The following RALGAPA1 variants were observed in gnomAD, a reference collection of about 807,000 sequenced individuals.
RALGAPA1 encodes the protein Ral GTPase activating protein catalytic subunit alpha 1, also known as ral GTPase-activating protein subunit alpha-1.
In RALGAPA1, 52 loss-of-function variants were observed where a neutral mutation model predicts 269.6. The ratio of observed to expected loss-of-function variants is 0.19; its 90% confidence interval spans 0.15 to 0.24. RALGAPA1 has a LOEUF of 0.24. RALGAPA1 is among the 10% of genes least tolerant of loss of function. RALGAPA1 has a pLI of 1.00. For synonymous variants in RALGAPA1, 817 were observed against 1,008.3 expected, an observed-to-expected ratio of 0.81 and a Z score of 3.60; for missense variants, 1,917 against 3,013.9, an observed-to-expected ratio of 0.64 and a Z score of 8.52.
At position 35,689,495 on chromosome 14, in the gene RALGAPA1, T is replaced by C; in HGVS notation, c.2916A>G (p.Val972=). Residue 972 remains valine (V), a synonymous_variant, in exon 18 of 42, where the codon GTA becomes GTG. Coordinates refer to ENST00000680220, the MANE Select transcript of RALGAPA1 (RefSeq NM_001346249.2). ...DPASQEVTIA[V]NRGERLSLDK... ...CTAAGGATAATCTTTCACCCCTATT[T>C]ACTGCAATAGTCACTTCCTGAGAAG... 1.6e-6 allele frequency: 2 copies of C among 1,236,854 alleles called. No individual in the cohort carries two copies. Among genetic ancestry groups the C allele is most frequent in the Non-Finnish European group, 2.0e-6 (2 of 991,306 alleles). The allele number at this position is 1,236,854 out of a possible 1,614,324, so 76.6% of individuals were successfully genotyped here. A position where few individuals can be genotyped will look rare whatever the true frequency, so the allele number is the denominator to read the frequency against.
At chr14:35,697,211 C>T (rs1319855873) in intron 17 of RALGAPA1, among the ~76,000 whole-genome samples, 2 of 152,178 alleles carry the variant, frequency 1.3e-5, no homozygotes, top group African/African-American at 4.8e-5. Flanking sequence ...GAAGATTAAT[C>T]CTGCTTAATT....
At chr14:35,715,251 C>A (rs1285358097) in intron 16 of RALGAPA1, among the ~76,000 whole-genome samples, 1 of 152,200 alleles carries the variant, frequency 6.6e-6, no homozygotes, top group Non-Finnish European at 1.5e-5. Context: ...CATTTCCCGT[C>A]TCAATGTCCT....
At chr14:35,544,329 G>GT (rs745340353) in intron 41 of RALGAPA1, among the ~76,000 whole-genome samples, 18 of 152,186 alleles carry the variant, frequency 1.2e-4, no homozygotes, top group Non-Finnish European at 8.8e-5. Context: ...ACAGCAGGAA[G>GT]GGGATGAAAA....
rs144541438 is a variant in RALGAPA1 at position 35,684,083 on chromosome 14, C to T, written c.4295-98G>A. The T allele has an allele frequency of 8.3e-4, 705 of 853,698 alleles. 3 individuals carry two copies. Among genetic ancestry groups the T allele is most frequent in the Middle Eastern group, 1.6e-3 (7 of 4,340 alleles). The allele number at this position is 853,698 out of a possible 1,614,324, so 52.9% of individuals were successfully genotyped here. A position where few individuals can be genotyped will look rare whatever the true frequency, so the allele number is the denominator to read the frequency against. ...AAAATGATCAAACATAAACATTCCCCGTACATCTATTCTGTTTACATATCA... is the reference window on the plus strand; with the variant it reads ...AAAATGATCAAACATAAACATTCCCTGTACATCTATTCTGTTTACATATCA... On this transcript the variant is annotated intron_variant, in intron 20 of 41. Coordinates refer to ENST00000680220, the MANE Select transcript of RALGAPA1 (RefSeq NM_001346249.2).
chr14:35,626,800 A>T (rs923777451), intron 34 of RALGAPA1, among the ~76,000 whole-genome samples: 15 of 142,616 alleles, frequency 1.1e-4, no homozygotes, highest in African/African-American at 4.1e-4. Context: ...TGCAGTTTCT[A>T]AAAAAAAAAT....
chr14:35,732,534 G>C (rs866527912), intron 12 of RALGAPA1, among the ~76,000 whole-genome samples: 1 of 151,976 alleles, frequency 6.6e-6, no homozygotes, highest in Non-Finnish European at 1.5e-5. Context: ...AGAAGGACTC[G>C]CATAAGTAAA....
intron 14 of RALGAPA1, among the ~76,000 whole-genome samples, chr14:35,724,409 T>C (rs540638931): frequency 2.6e-4 from 39 of 152,274 alleles, no homozygotes; most frequent in Admixed American, 9.8e-4. Flanking sequence ...ATTTCATGTA[T>C]CATCTTAAAA....
At chr14:35,578,964 C>T (rs372641554) in intron 37 of RALGAPA1, among the ~76,000 whole-genome samples, 1 of 152,046 alleles carries the variant, frequency 6.6e-6, no homozygotes, top group Non-Finnish European at 1.5e-5. Context: ...CAAAAATAAA[C>T]AAGGTAAACT....
chr14:35,764,695 C>T (rs1204604977), intron 4 of RALGAPA1, among the ~76,000 whole-genome samples: 1 of 151,930 alleles, frequency 6.6e-6, no homozygotes, highest in Non-Finnish European at 1.5e-5. Flanking sequence ...AAGGCACATG[C>T]CACCATGCCT....
rs2066236751 is a variant in RALGAPA1, at chr14:35,689,046, A to C, written c.3365T>G (p.Leu1122Arg). 1 of 1,236,210 alleles carries C rather than the reference A, an allele frequency of 8.1e-7. No individual in the cohort carries two copies. Among genetic ancestry groups the C allele is most frequent in the Admixed American group, 4.1e-5 (1 of 24,576 alleles). The allele number at this position is 1,236,210 out of a possible 1,614,324, so 76.6% of individuals were successfully genotyped here. Reference sequence around the variant, plus strand: ...AGACAAGCTCCTTTTAGTTGGAGAAAGTTTGCTAGTACTTGTAACATGAGG... The same window carrying C: ...AGACAAGCTCCTTTTAGTTGGAGAACGTTTGCTAGTACTTGTAACATGAGG... ...RMPHVTSTSK[L>R]SPTKRSLSET... The change falls in exon 18 of 42, where the codon CTT (leucine) becomes CGT (arginine). Residue 1122 changes from leucine (L) to arginine (R), a missense_variant. Leu to Arg is a moderately radical substitution (Grantham distance 102). Transcript: ENST00000680220.
At chr14:35,591,227 CTTAT>C (rs1255590805) in intron 37 of RALGAPA1, among the ~76,000 whole-genome samples, 1 of 152,058 alleles carries the variant, frequency 6.6e-6, no homozygotes, top group Non-Finnish European at 1.5e-5. Flanking sequence ...TTAAGTAACA[CTTAT>C]TTGTTACATT....
intron 37 of RALGAPA1, among the ~76,000 whole-genome samples, chr14:35,574,897 C>T (rs867956296): frequency 1.4e-4 from 22 of 151,974 alleles, no homozygotes; most frequent in Admixed American, 2.0e-4. Context: ...GAGGCTAAGG[C>T]GGGCGAATCA....
intron 21 of RALGAPA1, among the ~76,000 whole-genome samples, chr14:35,678,616 CT>C (rs2065160028): frequency 6.6e-6 from 1 of 152,122 alleles, no homozygotes; most frequent in South Asian, 2.1e-4. Context: ...CTGTCACTTC[CT>C]CATTTAAAAT....
At chr14:35,660,634 A>G (rs758139729) in intron 27 of RALGAPA1, among the ~76,000 whole-genome samples, 1 of 152,146 alleles carries the variant, frequency 6.6e-6, no homozygotes, top group Non-Finnish European at 1.5e-5. Context: ...TGTCAAAGAG[A>G]TAAGTGTACT....
intron 37 of RALGAPA1, among the ~76,000 whole-genome samples, chr14:35,589,168 T>G (rs2138883320): frequency 6.6e-6 from 1 of 152,332 alleles, no homozygotes; most frequent in Non-Finnish European, 1.5e-5. Context: ...GTCATATCCT[T>G]CATAATTTCA....
intron 1 of RALGAPA1, among the ~76,000 whole-genome samples, chr14:35,783,629 A>G (rs1409070703): frequency 1.3e-5 from 2 of 152,238 alleles, no homozygotes; most frequent in Non-Finnish European, 2.9e-5. Flanking sequence ...AAATGAGAAA[A>G]TAACCTACAG....
intron 17 of RALGAPA1, among the ~76,000 whole-genome samples, chr14:35,699,647 G>T: frequency 6.6e-6 from 1 of 151,936 alleles, no homozygotes; most frequent in Non-Finnish European, 1.5e-5. Context: ...TAAATACAAA[G>T]ATTTATTCCA....
In RALGAPA1 at chr14:35,761,997, A is replaced by G. The variant is rs572819473; in HGVS notation, c.369+713T>C. On this transcript the variant is annotated intron_variant, in intron 5 of 41. Coordinates refer to ENST00000680220, the MANE Select transcript of RALGAPA1 (RefSeq NM_001346249.2). ...TGGGCAGCTTCTCTTACTACAGTACAATGGCATAATGAAAAAGAAACAAAA... is the reference window on the plus strand; with the variant it reads ...TGGGCAGCTTCTCTTACTACAGTACGATGGCATAATGAAAAAGAAACAAAA... 3.9e-5 allele frequency among the ~76,000 whole-genome samples: 6 copies of G among 152,316 alleles called. No homozygotes were observed. In the South Asian group the frequency reaches 1.2e-3, roughly 32 times the overall value.
At chr14:35,575,210 A>T (rs532627677) in intron 37 of RALGAPA1, among the ~76,000 whole-genome samples, 1 of 152,192 alleles carries the variant, frequency 6.6e-6, no homozygotes, top group South Asian at 2.1e-4. Flanking sequence ...CTACATGTTT[A>T]TTGACCCAGA....
Sources: allele counts gnomAD v4.1 joint callset (sites outside exome capture counted in the v4.1 genomes callset), GRCh38; gene constraint gnomAD v4.1.1; transcripts MANE v1.5; gene names NCBI Gene and HGNC (gene_info 2026-07-23, HGNC 2026-07-21).